The following ZFP91 variants were observed in gnomAD, a reference collection of about 807,000 sequenced individuals.
The protein encoded by ZFP91 is ZFP91 zinc finger protein, atypical E3 ubiquitin ligase.
Under a neutral mutation model 63.5 loss-of-function variants are expected in ZFP91, and 7 were observed. The ratio of observed to expected loss-of-function variants is 0.11; its 90% CI spans 0.06 to 0.21. The LOEUF is 0.21. Among genes scored for constraint, ZFP91 ranks in the 10% least tolerant of loss-of-function variants. The pLI, the probability that ZFP91 is intolerant of heterozygous loss-of-function variation, is 1.00. For missense variants in ZFP91, 628 were observed against 736.6 expected (o/e 0.85, Z 1.71); for synonymous variants, 330 against 272.1 (o/e 1.21, Z -2.10).
chr11:58,579,117 G>T lies in ZFP91; in HGVS notation c.-165G>T, dbSNP rs1337709330. The T allele has an allele frequency of 3.8e-6, 2 of 524,276 alleles. No homozygotes were observed. Among genetic ancestry groups the T allele is most frequent in the African/African-American group, 2.1e-5 (1 of 46,848 alleles). 32.5% of individuals were successfully genotyped at this position (524,276 alleles called of 1,614,324 possible). A position where few individuals can be genotyped will look rare whatever the true frequency, so the allele number is the denominator to read the frequency against. ...AGCGGACCTTGAGTGGCAGGGGGTG[G>T]GGGGGGCGCCCTCGGAGCCGGGCGG... On this transcript the variant is annotated 5_prime_UTR_variant, in exon 1 of 11. Transcript: ENST00000316059.
Position 58,611,050 on chromosome 11 carries a change from G to A in ZFP91, c.718G>A (p.Glu240Lys). The stretch of plus-strand genomic sequence containing the variant: ...AGATGAGACCTACAAACCCCACTTA[G>A]AAAGGCATGTCTCAGATTTTACTGC... ...PRDETYKPHL[E>K]RETPKPRRKS... The change falls in exon 5 of 11, where the codon GAA becomes AAA. Residue 240 changes from glutamate (E) to lysine (K), a missense_variant. Glu to Lys is a moderately conservative substitution (Grantham distance 56, BLOSUM62 1). Coordinates refer to ENST00000316059, the MANE Select transcript of ZFP91 (RefSeq NM_053023.5). 6.2e-7 allele frequency: 1 copy of A among 1,612,534 alleles called. No individual in the cohort carries two copies. The highest frequency in any genetic ancestry group is 1.3e-5 in the African/African-American group (1 of 74,988).
At position 58,579,075 on chromosome 11, in the gene ZFP91, C is replaced by T; in HGVS notation, c.-207C>T. 1 of 371,010 alleles carries T rather than the reference C, an allele frequency of 2.7e-6. No homozygotes were observed. Among genetic ancestry groups the T allele is most frequent in the Non-Finnish European group, 4.6e-6 (1 of 217,448 alleles). 23.0% of individuals were successfully genotyped at this position (371,010 alleles called of 1,614,324 possible). Reference sequence around the variant, plus strand: ...CCGCTGAGCGTCTGTGGCGCGCGCGCGCGCGCCGCCAGCGGTAGCGGACCT... The same window carrying T: ...CCGCTGAGCGTCTGTGGCGCGCGCGTGCGCGCCGCCAGCGGTAGCGGACCT... On this transcript the variant is annotated 5_prime_UTR_variant, in exon 1 of 11. Transcript: ENST00000316059.
At chr11:58,596,870 TTC>T (rs1333339629) in intron 2 of ZFP91, among the ~76,000 whole-genome samples, 2 of 152,296 alleles carry the variant, frequency 1.3e-5, no homozygotes, top group East Asian at 3.9e-4. Flanking sequence ...TTTCATGATG[TTC>T]TCTCTATTGG....
chr11:58,610,344 A>T lies in ZFP91; in HGVS notation c.617+10A>T. The T allele has an allele frequency of 6.3e-7, 1 of 1,583,030 alleles. No homozygotes were observed. The highest frequency in any genetic ancestry group is 8.5e-7 in the Non-Finnish European group (1 of 1,170,266). On this transcript the variant is annotated intron_variant, in intron 4 of 10. Transcript: ENST00000316059. Reference sequence around the variant, plus strand: ...CTCCAGGTGGCATTAGGTAAAAAAAACATTAATATTTCATTTTTAAACCTT... The same window carrying T: ...CTCCAGGTGGCATTAGGTAAAAAAATCATTAATATTTCATTTTTAAACCTT...
chr11:58,611,464 G>T, intron 5 of ZFP91, 140 bp from the exon 6 acceptor site: 1 of 1,125,182 alleles, frequency 8.9e-7, no homozygotes, highest in Non-Finnish European at 1.3e-6. Flanking sequence ...ATGTGAGGAT[G>T]ATTGGTAGGA....
At chr11:58,581,891 C>T (rs936650345) in intron 1 of ZFP91, among the ~76,000 whole-genome samples, 20 of 152,306 alleles carry the variant, frequency 1.3e-4, no homozygotes, top group Admixed American at 2.0e-4. Context: ...TTCTTAGCGC[C>T]ACCCGCCTCC....
chr11:58,610,370 T>G (rs774249102), intron 4 of ZFP91, 36 bp downstream of exon 4: 24 of 1,550,722 alleles, frequency 1.5e-5, no homozygotes, highest in Admixed American at 3.9e-5. Flanking sequence ...TTTAAACCTT[T>G]GGGGACATAG....
chr11:58,613,527 C>T (rs1165011280), intron 8 of ZFP91, among the ~76,000 whole-genome samples: 1 of 152,030 alleles, frequency 6.6e-6, no homozygotes, highest in Non-Finnish European at 1.5e-5. Context: ...AGAGAACTTT[C>T]GTTGGAATCT....
In ZFP91 at chr11:58,618,686, T is replaced by C; in HGVS notation, c.*980T>C. ...TAACAGGTACTTTGAAGGCAAGACA[T>C]AGGGTTGAAGAAGCACAGCCAGCCT... On this transcript the variant is annotated 3_prime_UTR_variant, in exon 11 of 11. Transcript: ENST00000316059. 2.2e-6 allele frequency: 1 copy of C among 456,772 alleles called. No individual in the cohort carries two copies. The highest frequency in any genetic ancestry group is 4.4e-6 in the Non-Finnish European group (1 of 226,946). 28.3% of individuals were successfully genotyped at this position (456,772 alleles called of 1,614,324 possible).
intron 1 of ZFP91, among the ~76,000 whole-genome samples, chr11:58,580,374 A>G (rs1007120457): frequency 1.3e-5 from 2 of 152,274 alleles, no homozygotes; most frequent in Non-Finnish European, 2.9e-5. Flanking sequence ...AAACATGAAC[A>G]GGTGGCCAGG....
intron 2 of ZFP91, among the ~76,000 whole-genome samples, chr11:58,588,547 T>A (rs1305058094): frequency 6.6e-6 from 1 of 152,210 alleles, no homozygotes; most frequent in African/African-American, 2.4e-5. Flanking sequence ...TATTAACAGT[T>A]TTCATAGATT....
At chr11:58,612,464 G>T in intron 7 of ZFP91, 136 bp downstream of exon 7, 1 of 761,014 alleles carries the variant, frequency 1.3e-6, no homozygotes, top group Admixed American at 2.8e-5. Flanking sequence ...TAATGTCCTA[G>T]ATGCACAGGT....
intron 4 of ZFP91, 50 bp downstream of exon 4, chr11:58,610,384 A>G: frequency 6.7e-7 from 1 of 1,493,528 alleles, no homozygotes; most frequent in Middle Eastern, 1.9e-4. Flanking sequence ...GACATAGCAT[A>G]GTCACAGTAA....
rs111665293 is a variant in ZFP91, at chr11:58,616,934, G to T, written c.1202+119G>T. 2,969 of 1,005,960 alleles carry T rather than the reference G, an allele frequency of 3.0e-3. 10 individuals carry two copies. Among genetic ancestry groups the T allele is most frequent in the Non-Finnish European group, 4.0e-3 (2,667 of 672,948 alleles). 62.3% of individuals were successfully genotyped at this position (1,005,960 alleles called of 1,614,324 possible). ...GTTTACTTTCATCAAATAAATGAGT[G>T]GATATTGATTGGGGGCATTAGTTAG... is the stretch of plus-strand genomic sequence containing the variant. On this transcript the variant is annotated intron_variant, in intron 10 of 10. Coordinates refer to ENST00000316059, the MANE Select transcript of ZFP91 (RefSeq NM_053023.5).
At chr11:58,610,643 A>T (rs191128151) in intron 4 of ZFP91, among the ~76,000 whole-genome samples, 2 of 152,222 alleles carry the variant, frequency 1.3e-5, no homozygotes, top group Admixed American at 1.3e-4. Context: ...TTGTGTTGTG[A>T]TTTATCTGTT....
At chr11:58,612,955 A>AT in intron 8 of ZFP91, 115 bp downstream of exon 8, 14 of 870,644 alleles carry the variant, frequency 1.6e-5, no homozygotes, top group Non-Finnish European at 2.3e-5. Context: ...TGTAATGTCA[A>AT]GAAAAGTCTT....
intron 2 of ZFP91, among the ~76,000 whole-genome samples, chr11:58,603,150 G>A (rs1262951998): frequency 6.6e-6 from 1 of 152,168 alleles, no homozygotes; most frequent in African/African-American, 2.4e-5. Flanking sequence ...TGACTGAATT[G>A]TGTTCTATCA....
rs575166815 is a variant in ZFP91 at position 58,597,059 on chromosome 11, A to G, written c.370+12175A>G. ...ATGAGGTAACCAGGGGCATTGTCCA[A>G]TATCAAAAGAACCATAAAAGGCAGT... On this transcript the variant is annotated intron_variant, in intron 2 of 10. Transcript: ENST00000316059. 1.6e-4 allele frequency among the ~76,000 whole-genome samples: 25 copies of G among 152,300 alleles called. 2 individuals carry two copies. In the South Asian group the frequency reaches 4.4e-3, roughly 27 times the overall value.
intron 7 of ZFP91, 91 bp downstream of exon 7, chr11:58,612,419 A>G (rs1472255925): frequency 1.5e-6 from 2 of 1,334,572 alleles, no homozygotes; most frequent in African/African-American, 3.0e-5. Context: ...TCCTGCAGGA[A>G]TGGCTATTTA....
Sources: gnomAD v4.1 joint callset for allele counts (sites outside exome capture counted in the v4.1 genomes callset) on GRCh38, gnomAD v4.1.1 for gene constraint, MANE v1.5 for transcripts, NCBI Gene and HGNC (gene_info 2026-07-23, HGNC 2026-07-21) for gene names.